PABPC4L: variants seen among roughly 807,000 people sequenced by gnomAD.
The protein encoded by PABPC4L is poly(A) binding protein cytoplasmic 4 like, also known as polyadenylate-binding protein 4-like.
For synonymous variants in PABPC4L, 169 were observed against 164.1 expected (o/e 1.03, Z -0.23); for missense variants, 452 against 451.4 (o/e 1.00, Z -0.01).
At chr4:134,009,076 A>C in the PABPC4L span, among the ~76,000 whole-genome samples, 4 of 151,870 alleles carry the variant, frequency 2.6e-5, no homozygotes, top group Admixed American at 2.0e-4. Flanking sequence ...CTGGGTAATG[A>C]GATTATATGT....
At chr4:133,964,010 T>C in the PABPC4L span, among the ~76,000 whole-genome samples, 2 of 151,718 alleles carry the variant, frequency 1.3e-5, no homozygotes, top group South Asian at 2.1e-4. Flanking sequence ...CAAAAAAATA[T>C]ACAAAATATA....
chr4:134,081,348 G>T, the PABPC4L span, among the ~76,000 whole-genome samples: 90 of 152,248 alleles, frequency 5.9e-4, no homozygotes, highest in Non-Finnish European at 8.5e-4. Context: ...GCTAGTTGAG[G>T]TTCCAAAGAA....
the PABPC4L span, among the ~76,000 whole-genome samples, chr4:134,177,966 C>T: frequency 1.3e-5 from 2 of 152,124 alleles, no homozygotes; most frequent in African/African-American, 2.4e-5. Flanking sequence ...AGCTAGAAGG[C>T]ACAGTTTCCT....
the PABPC4L span, among the ~76,000 whole-genome samples, chr4:134,072,570 A>G: frequency 6.6e-6 from 1 of 152,232 alleles, no homozygotes; most frequent in Non-Finnish European, 1.5e-5. Context: ...GTTTAGGAAC[A>G]GAGGTTTAAA....
the PABPC4L span, among the ~76,000 whole-genome samples, chr4:133,967,714 T>G: frequency 6.6e-6 from 1 of 152,148 alleles, no homozygotes; most frequent in Non-Finnish European, 1.5e-5. Flanking sequence ...TGCCAAATAT[T>G]CTTACTATTG....
chr4:134,064,163 A>T, the PABPC4L span, among the ~76,000 whole-genome samples: 1 of 152,058 alleles, frequency 6.6e-6, no homozygotes, highest in African/African-American at 2.4e-5. Context: ...GAGGAATAAT[A>T]TCTAAATCCG....
the PABPC4L span, among the ~76,000 whole-genome samples, chr4:134,086,762 TTC>T: frequency 6.6e-6 from 1 of 151,678 alleles, no homozygotes; most frequent in African/African-American, 2.4e-5. Flanking sequence ...TTCTATTTAT[TTC>T]TTTTTCTTTG....
At chr4:134,115,301 TA>T in the PABPC4L span, among the ~76,000 whole-genome samples, 12 of 151,918 alleles carry the variant, frequency 7.9e-5, no homozygotes, top group South Asian at 2.1e-4. Flanking sequence ...CTGTCCTCAT[TA>T]AGCTTATAGT....
the PABPC4L span, among the ~76,000 whole-genome samples, chr4:133,954,313 G>T: frequency 6.6e-6 from 1 of 152,088 alleles, no homozygotes; most frequent in South Asian, 2.1e-4. Context: ...TCTTTAAGGG[G>T]GAACATGGGG....
chr4:134,197,584 C>T lies in PABPC4L; in HGVS notation c.*2323G>A, dbSNP rs530497595. On this transcript the variant is annotated 3_prime_UTR_variant, in exon 2 of 2. Coordinates refer to ENST00000421491, the MANE Select transcript of PABPC4L (RefSeq NM_001114734.2). The stretch of plus-strand genomic sequence containing the variant: ...AAGTCTAAAATGTAGTCATAATATG[C>T]AAAGAAATCTAAAAATCCATGTAAA... 2 of 151,506 alleles carry T rather than the reference C, an allele frequency of 1.3e-5. No homozygotes were observed. Among genetic ancestry groups the T allele is most frequent in the African/African-American group, 4.8e-5 (2 of 41,438 alleles). 9.4% of individuals were successfully genotyped at this position (151,506 alleles called of 1,614,324 possible).
chr4:134,153,533 A>G, the PABPC4L span, among the ~76,000 whole-genome samples: 2 of 152,162 alleles, frequency 1.3e-5, no homozygotes, highest in African/African-American at 4.8e-5. Flanking sequence ...GATATTATTT[A>G]TTTAATGTGA....
the PABPC4L span, among the ~76,000 whole-genome samples, chr4:134,037,826 C>T: frequency 1.3e-5 from 2 of 152,086 alleles, no homozygotes; most frequent in Non-Finnish European, 2.9e-5. Context: ...CTTTCTCTTG[C>T]CTGATTGCCC....
the PABPC4L span, among the ~76,000 whole-genome samples, chr4:134,068,749 C>T: frequency 3.3e-4 from 50 of 151,382 alleles, no homozygotes; most frequent in African/African-American, 1.1e-3. Context: ...CGCTCTGTTG[C>T]CCAGGCTGGA....
chr4:134,108,276 A>G, the PABPC4L span, among the ~76,000 whole-genome samples: 4 of 151,796 alleles, frequency 2.6e-5, no homozygotes, highest in African/African-American at 7.2e-5. Context: ...AAATTATGTG[A>G]CAAAGTCAAA....
chr4:133,966,221 C>G, the PABPC4L span, among the ~76,000 whole-genome samples: 1 of 152,148 alleles, frequency 6.6e-6, no homozygotes, highest in South Asian at 2.1e-4. Context: ...TGATCAACAC[C>G]TCTAATGATC....
chr4:134,003,781 A>T, the PABPC4L span, among the ~76,000 whole-genome samples: 1 of 151,828 alleles, frequency 6.6e-6, no homozygotes, highest in African/African-American at 2.4e-5. Context: ...AAATCTTTAC[A>T]CGGGAAGCAA....
At chr4:134,049,903 T>C in the PABPC4L span, among the ~76,000 whole-genome samples, 1 of 152,286 alleles carries the variant, frequency 6.6e-6, no homozygotes, top group Non-Finnish European at 1.5e-5. Context: ...TACAAGAATC[T>C]CATCGCATGA....
chr4:134,124,180 T>C, the PABPC4L span, among the ~76,000 whole-genome samples: 2 of 152,068 alleles, frequency 1.3e-5, no homozygotes, highest in East Asian at 3.9e-4. Flanking sequence ...GCAAATTGGG[T>C]TTTTTGTCAT....
the PABPC4L span, among the ~76,000 whole-genome samples, chr4:134,189,762 GTT>G: frequency 6.6e-6 from 1 of 151,870 alleles, no homozygotes; most frequent in African/African-American, 2.4e-5. Flanking sequence ...CTTTTTGTTG[GTT>G]TTGTTTTCAT....
Sources: gnomAD v4.1 joint callset for allele counts (sites outside exome capture counted in the v4.1 genomes callset) on GRCh38, gnomAD v4.1.1 for gene constraint, MANE v1.5 for transcripts, NCBI Gene and HGNC (gene_info 2026-07-23, HGNC 2026-07-21) for gene names.